Variants in TNFRSF1B observed in about 807,000 individuals in gnomAD.
TNFRSF1B encodes the protein TNF receptor superfamily member 1B.
TNFRSF1B carries 19 observed loss-of-function variants against 44.6 expected under a neutral mutation model. That is an observed-to-expected ratio of 0.43 (90% CI 0.30 to 0.62). The LOEUF is 0.62. TNFRSF1B is among the 20% of genes least tolerant of loss of function. The pLI, the probability that TNFRSF1B is intolerant of heterozygous loss-of-function variation, is 0.16. For missense variants in TNFRSF1B, 541 were observed against 619.9 expected (o/e 0.87, Z 1.35); for synonymous variants, 252 against 261.1 (o/e 0.97, Z 0.34).
chr1:12,190,287 G>A (rs940687483), intron 2 of TNFRSF1B, among the ~76,000 whole-genome samples: 6 of 151,890 alleles, frequency 4.0e-5, no homozygotes, highest in African/African-American at 7.3e-5. Context: ...GGTGGAACCC[G>A]TCTCTACTAA....
intron 8 of TNFRSF1B, among the ~76,000 whole-genome samples, chr1:12,197,350 C>T (rs767228956): frequency 2.9e-4 from 44 of 152,192 alleles, no homozygotes; most frequent in Admixed American, 1.3e-4. Flanking sequence ...AACCCCCAAA[C>T]CCTGATTTGT....
At chr1:12,204,390 C>G (rs1002123437) in intron 9 of TNFRSF1B, among the ~76,000 whole-genome samples, 5 of 152,192 alleles carry the variant, frequency 3.3e-5, no homozygotes, top group Non-Finnish European at 5.9e-5. Context: ...ACCCTCCTCC[C>G]CCACCACATG....
At chr1:12,176,352 A>T (rs1002671586) in intron 1 of TNFRSF1B, among the ~76,000 whole-genome samples, 1 of 152,252 alleles carries the variant, frequency 6.6e-6, no homozygotes, top group Non-Finnish European at 1.5e-5. Context: ...GTTTAGGGCC[A>T]GTTTATGGAG....
chr1:12,183,781 TC>T (rs1638904773), intron 1 of TNFRSF1B, among the ~76,000 whole-genome samples: 4 of 129,908 alleles, frequency 3.1e-5, no homozygotes, highest in South Asian at 2.5e-4. Flanking sequence ...ATCTATTCTA[TC>T]TACCTACCTA....
At position 12,207,079 on chromosome 1, in the gene TNFRSF1B, T is replaced by C; in HGVS notation, c.*59T>C. On this transcript the variant is annotated 3_prime_UTR_variant, in exon 10 of 10. Coordinates refer to ENST00000376259, the MANE Select transcript of TNFRSF1B (RefSeq NM_001066.3). ...GGGCTGAGCCCTGGCAGGATGACCC[T>C]GCGAAGGGGCCCTGGTCCTTCCAGG... 1.3e-6 allele frequency: 2 copies of C among 1,503,136 alleles called. No homozygotes were observed. Among genetic ancestry groups the C allele is most frequent in the African/African-American group, 1.4e-5 (1 of 71,784 alleles). 93.1% of individuals were successfully genotyped at this position (1,503,136 alleles called of 1,614,324 possible).
intron 2 of TNFRSF1B, 89 bp from the exon 3 acceptor site, chr1:12,190,868 G>C (rs1639100912): frequency 3.3e-6 from 5 of 1,506,382 alleles, no homozygotes; most frequent in Admixed American, 2.0e-5. Context: ...CTGGGCTTTA[G>C]AACTCTGGAC....
rs1182448797 is a variant in TNFRSF1B, at chr1:12,208,640, G to A, written c.*1620G>A. On this transcript the variant is annotated 3_prime_UTR_variant, in exon 10 of 10. Coordinates refer to ENST00000376259, the MANE Select transcript of TNFRSF1B (RefSeq NM_001066.3). ...GAAAGGCTCAGTCTCAGGAGCATGG[G>A]GATAAAGGAGAAGGCATGAAATTGT... is the stretch of plus-strand genomic sequence containing the variant. 1 of 152,342 alleles carries A rather than the reference G, an allele frequency of 6.6e-6. No individual in the cohort carries two copies. The highest frequency in any genetic ancestry group is 1.5e-5 in the Non-Finnish European group (1 of 68,112). 9.4% of individuals were successfully genotyped at this position (152,342 alleles called of 1,614,324 possible). A position where few individuals can be genotyped will look rare whatever the true frequency, so the allele number is the denominator to read the frequency against.
intron 1 of TNFRSF1B, among the ~76,000 whole-genome samples, chr1:12,172,358 C>G (rs779089884): frequency 6.6e-6 from 1 of 152,238 alleles, no homozygotes; most frequent in Non-Finnish European, 1.5e-5. Flanking sequence ...TTCTATCCCT[C>G]GGAGCCTCTG....
At chr1:12,179,448 C>G (rs1274423053) in intron 1 of TNFRSF1B, among the ~76,000 whole-genome samples, 1 of 152,220 alleles carries the variant, frequency 6.6e-6, no homozygotes, top group Non-Finnish European at 1.5e-5. Context: ...GCCCCGCGAC[C>G]CGCCATGCAA....
Position 12,207,114 on chromosome 1 carries a change from C to G in TNFRSF1B, c.*94C>G. 2.9e-6 allele frequency: 4 copies of G among 1,366,440 alleles called. No homozygotes were observed. The allele number at this position is 1,366,440 out of a possible 1,614,324, so 84.6% of individuals were successfully genotyped here. On this transcript the variant is annotated 3_prime_UTR_variant, in exon 10 of 10. Coordinates refer to ENST00000376259, the MANE Select transcript of TNFRSF1B (RefSeq NM_001066.3). ...CCCTGGTCCTTCCAGGCCCCCACCACTAGGACTCTGAGGCTCTTTCTGGGC... is the reference window on the plus strand; with the variant it reads ...CCCTGGTCCTTCCAGGCCCCCACCAGTAGGACTCTGAGGCTCTTTCTGGGC...
At position 12,202,005 on chromosome 1, in the gene TNFRSF1B, C is replaced by T; in HGVS notation, c.939C>T (p.Gly313=). ...LPADKARGTQ[G]PEQQHLLITA... Reference sequence around the variant, plus strand: ...CCGATAAGGCCCGGGGTACACAGGGCCCCGAGCAGCAGCACCTGCTGATCA... The same window carrying T: ...CCGATAAGGCCCGGGGTACACAGGGTCCCGAGCAGCAGCACCTGCTGATCA... The change falls in exon 9 of 10, where the codon GGC becomes GGT. Residue 313 remains glycine (G), a synonymous_variant. Transcript: ENST00000376259. 1 of 1,613,066 alleles carries T rather than the reference C, an allele frequency of 6.2e-7. No homozygotes were observed. Among genetic ancestry groups the T allele is most frequent in the Non-Finnish European group, 8.5e-7 (1 of 1,179,826 alleles).
chr1:12,167,395 C>G (rs1638417726), intron 1 of TNFRSF1B: 1 of 427,688 alleles, frequency 2.3e-6, no homozygotes, highest in Non-Finnish European at 4.2e-6. Flanking sequence ...CTCTGGCCCC[C>G]GAAGCCCCTC....
intron 9 of TNFRSF1B, among the ~76,000 whole-genome samples, chr1:12,206,468 C>T (rs1639505021): frequency 6.6e-6 from 1 of 152,006 alleles, no homozygotes; most frequent in Non-Finnish European, 1.5e-5. Flanking sequence ...CCCAAGTAGA[C>T]ATCTGTTTTA....
At chr1:12,202,227 T>G in intron 9 of TNFRSF1B, 56 bp downstream of exon 9, 1 of 1,528,718 alleles carries the variant, frequency 6.5e-7, no homozygotes. Flanking sequence ...CTTTCTCACC[T>G]GGTTTCTGTC....
chr1:12,204,691 G>A (rs551982334), intron 9 of TNFRSF1B, among the ~76,000 whole-genome samples: 8 of 152,284 alleles, frequency 5.3e-5, no homozygotes, highest in Admixed American at 1.3e-4. Flanking sequence ...GTCCTTGGCC[G>A]GATCTCCTGC....
chr1:12,204,421 A>G (rs775030937), intron 9 of TNFRSF1B, among the ~76,000 whole-genome samples: 3 of 152,206 alleles, frequency 2.0e-5, no homozygotes, highest in Non-Finnish European at 4.4e-5. Flanking sequence ...TTTTGAGCAC[A>G]GCAGGTTGCC....
chr1:12,182,378 C>T (rs1638832083), intron 1 of TNFRSF1B, among the ~76,000 whole-genome samples: 1 of 152,196 alleles, frequency 6.6e-6, no homozygotes, highest in Non-Finnish European at 1.5e-5. Context: ...AGGGCATCTC[C>T]CTGTCTCCCC....
rs1001542028 is a variant in TNFRSF1B, at chr1:12,167,182, C to T, written c.78+13C>T. ...CTTGCCCGCCCAGGTGGGTGACTCG[C>T]GCGGCCCACGGGGGACAGCCGCCCC... On this transcript the variant is annotated intron_variant, in intron 1 of 9. Transcript: ENST00000376259. 1 of 1,261,248 alleles carries T rather than the reference C, an allele frequency of 7.9e-7. No individual in the cohort carries two copies. The highest frequency in any genetic ancestry group is 1.0e-6 in the Non-Finnish European group (1 of 1,001,654). The allele number at this position is 1,261,248 out of a possible 1,614,324, so 78.1% of individuals were successfully genotyped here.
intron 1 of TNFRSF1B, among the ~76,000 whole-genome samples, chr1:12,182,240 C>T (rs190148443): frequency 6.6e-6 from 1 of 152,162 alleles, no homozygotes; most frequent in Admixed American, 6.5e-5. Flanking sequence ...GATGCTGGGA[C>T]AGCTCTTCGT....
Sources: gnomAD v4.1 joint callset for allele counts (sites outside exome capture counted in the v4.1 genomes callset) on GRCh38, gnomAD v4.1.1 for gene constraint, MANE v1.5 for transcripts, NCBI Gene and HGNC (gene_info 2026-07-23, HGNC 2026-07-21) for gene names.